CADPS2: variants seen among roughly 807,000 people sequenced by gnomAD.
The protein encoded by CADPS2 is calcium dependent secretion activator 2.
CADPS2 carries 93 observed loss-of-function variants against 172.5 expected under a neutral mutation model. That is an observed-to-expected ratio of 0.54 (90% CI 0.46 to 0.64). The LOEUF is 0.64. CADPS2 is among the 30% of genes least tolerant of loss of function. The pLI is 0.00. For synonymous variants in CADPS2, 546 were observed against 555.2 expected (o/e 0.98, Z 0.23); for missense variants, 1,420 against 1,565.9 (o/e 0.91, Z 1.57).
chr7:122,531,761 G>A (rs541261294), intron 8 of CADPS2, among the ~76,000 whole-genome samples: 4 of 152,190 alleles, frequency 2.6e-5, no homozygotes, highest in East Asian at 1.9e-4. Flanking sequence ...GGCTGGGCAC[G>A]GTGGCTCACT....
intron 15 of CADPS2, among the ~76,000 whole-genome samples, chr7:122,444,113 T>A (rs1230887883): frequency 6.6e-6 from 1 of 152,182 alleles, no homozygotes; most frequent in African/African-American, 2.4e-5. Flanking sequence ...TTAGCATAGT[T>A]ATCTTGATAT....
At chr7:122,452,033 C>G (rs1030592999) in intron 14 of CADPS2, among the ~76,000 whole-genome samples, 1 of 152,084 alleles carries the variant, frequency 6.6e-6, no homozygotes, top group Admixed American at 6.5e-5. Flanking sequence ...AGAGAGCAAG[C>G]TATGTTTCTT....
At position 122,725,330 on chromosome 7, in the gene CADPS2, ATC is replaced by A. The variant is rs574276957; in HGVS notation, c.453+11623_453+11624del. Among the ~76,000 whole-genome samples, 294 of 151,370 alleles carry A rather than the reference ATC, an allele frequency of 1.9e-3. 1 individual carries two copies. Among genetic ancestry groups the A allele is most frequent in the Non-Finnish European group, 3.6e-3 (245 of 67,688 alleles). On this transcript the variant is annotated intron_variant, in intron 2 of 29. Coordinates refer to ENST00000449022, the MANE Select transcript of CADPS2 (RefSeq NM_017954.11). ...AACTCGTCCATTTTACTGTGAAAAC[ATC>A]TCTTTTATATATATATGTATAGGTA... is the stretch of plus-strand genomic sequence containing the variant.
At chr7:122,453,832 T>C (rs1309710218) in intron 14 of CADPS2, among the ~76,000 whole-genome samples, 1 of 152,020 alleles carries the variant, frequency 6.6e-6, no homozygotes, top group African/African-American at 2.4e-5. Context: ...GTGAGAAAGG[T>C]AAGTCAGGGG....
intron 1 of CADPS2, among the ~76,000 whole-genome samples, chr7:122,869,455 A>C (rs1354073140): frequency 6.6e-6 from 1 of 152,060 alleles, no homozygotes; most frequent in Non-Finnish European, 1.5e-5. Context: ...AAAATAACAA[A>C]ACTGCCAATA....
At chr7:122,486,485 A>G (rs1450058933) in intron 11 of CADPS2, among the ~76,000 whole-genome samples, 1 of 152,206 alleles carries the variant, frequency 6.6e-6, no homozygotes, top group African/African-American at 2.4e-5. Context: ...TGAAGATGTG[A>G]CTGAATTGCT....
chr7:122,574,467 A>AAAAAAAAAAAAAAAAT (rs2067709173), intron 7 of CADPS2, among the ~76,000 whole-genome samples: 1 of 148,954 alleles, frequency 6.7e-6, no homozygotes, highest in Non-Finnish European at 1.5e-5. Flanking sequence ...AAAAAAAAAA[A>AAAAAAAAAAAAAAAAT]AGTATATTTC....
At chr7:122,861,498 T>G (rs756134241) in intron 1 of CADPS2, among the ~76,000 whole-genome samples, 1 of 152,252 alleles carries the variant, frequency 6.6e-6, no homozygotes, top group Non-Finnish European at 1.5e-5. Context: ...TTCTGGATAT[T>G]AAACCCTTGT....
chr7:122,814,849 C>T (rs1203026571), intron 1 of CADPS2, among the ~76,000 whole-genome samples: 1 of 152,114 alleles, frequency 6.6e-6, no homozygotes, highest in African/African-American at 2.4e-5. Context: ...ACTATGATGT[C>T]AACCATCAAA....
At chr7:122,742,923 C>T (rs1028521979) in intron 1 of CADPS2, among the ~76,000 whole-genome samples, 4 of 152,076 alleles carry the variant, frequency 2.6e-5, no homozygotes, top group African/African-American at 7.2e-5. Context: ...ATCCTGAATC[C>T]TGCCATTATA....
At chr7:122,559,758 G>T (rs1424519408) in intron 7 of CADPS2, among the ~76,000 whole-genome samples, 1 of 126,816 alleles carries the variant, frequency 7.9e-6, no homozygotes, top group Non-Finnish European at 1.6e-5. Flanking sequence ...GTGACAGTGC[G>T]AGACTCCACC....
At chr7:122,378,387 A>G (rs2042598366) in intron 25 of CADPS2, among the ~76,000 whole-genome samples, 2 of 152,180 alleles carry the variant, frequency 1.3e-5, no homozygotes, top group Non-Finnish European at 2.9e-5. Flanking sequence ...GTCTTGCCTC[A>G]CCTGAAACTG....
intron 3 of CADPS2, among the ~76,000 whole-genome samples, chr7:122,640,685 A>C (rs2077537511): frequency 6.6e-6 from 1 of 152,152 alleles, no homozygotes; most frequent in Non-Finnish European, 1.5e-5. Context: ...TAATCCCAGC[A>C]CTTTGGGAGG....
At chr7:122,515,646 T>C (rs562079258) in intron 8 of CADPS2, among the ~76,000 whole-genome samples, 1 of 152,210 alleles carries the variant, frequency 6.6e-6, no homozygotes, top group South Asian at 2.1e-4. Flanking sequence ...CTGGGTCATA[T>C]ACAAGTGAAA....
intron 20 of CADPS2, among the ~76,000 whole-genome samples, chr7:122,401,447 T>C (rs1340998495): frequency 1.3e-5 from 2 of 152,216 alleles, no homozygotes; most frequent in African/African-American, 2.4e-5. Context: ...TCAGTAGTGC[T>C]GAAAGAAATG....
chr7:122,525,616 GAAT>G, intron 8 of CADPS2, among the ~76,000 whole-genome samples: 1 of 152,136 alleles, frequency 6.6e-6, no homozygotes, highest in Non-Finnish European at 1.5e-5. Flanking sequence ...ATACATCGCT[GAAT>G]GATGGAGGCC....
chr7:122,405,067 G>C (rs1266011969), intron 20 of CADPS2, among the ~76,000 whole-genome samples: 2 of 151,792 alleles, frequency 1.3e-5, no homozygotes, highest in African/African-American at 4.8e-5. Context: ...GGGCAACAGA[G>C]TGAGACTGCA....
chr7:122,713,584 T>A (rs75216966), intron 2 of CADPS2, among the ~76,000 whole-genome samples: 1 of 151,944 alleles, frequency 6.6e-6, no homozygotes, highest in East Asian at 1.9e-4. Context: ...TTTTTTTCAA[T>A]CTTAACAATT....
At position 122,388,613 on chromosome 7, in the gene CADPS2, G is replaced by A; in HGVS notation, c.3134C>T (p.Ala1045Val). 2 of 1,605,724 alleles carry A rather than the reference G, an allele frequency of 1.2e-6. No homozygotes were observed. The highest frequency in any genetic ancestry group is 1.7e-6 in the Non-Finnish European group (2 of 1,174,450). The change falls in exon 23 of 30, where the codon GCC (alanine) becomes GTC (valine). Residue 1045 changes from alanine (A) to valine (V), a missense_variant. By Grantham distance (64) the Ala-to-Val change is moderately conservative. Transcript: ENST00000449022. ...HHLEQRLKLMASDMLEACVKR... is the reference protein window; with the variant it reads ...HHLEQRLKLMVSDMLEACVKR... Reference sequence around the variant, plus strand: ...GACACAGGCCTCTAGCATATCACTGGCCATTAGTTTAAGTCTTTGCTCTAA... The same window carrying A: ...GACACAGGCCTCTAGCATATCACTGACCATTAGTTTAAGTCTTTGCTCTAA...
Sources: gnomAD v4.1 joint callset for allele counts (sites outside exome capture counted in the v4.1 genomes callset) on GRCh38, gnomAD v4.1.1 for gene constraint, MANE v1.5 for transcripts, NCBI Gene and HGNC (gene_info 2026-07-23, HGNC 2026-07-21) for gene names.